Variants in VPS13A observed in about 807,000 individuals in gnomAD.
The protein encoded by VPS13A is vacuolar protein sorting 13 homolog A.
Under a neutral mutation model 390.9 loss-of-function variants are expected in VPS13A, and 264 were observed. The observed-to-expected ratio is 0.68, with a 90% CI of 0.61 to 0.75. The LOEUF is 0.75. VPS13A is among the 30% of genes least tolerant of loss of function. VPS13A has a pLI of 0.00. For missense variants in VPS13A, 3,409 were observed against 3,733.9 expected (o/e 0.91, Z 2.27); for synonymous variants, 1,231 against 1,227.1 (o/e 1.00, Z -0.07).
chr9:77,290,127 C>T (rs531589059), intron 31 of VPS13A, among the ~76,000 whole-genome samples: 1 of 152,222 alleles, frequency 6.6e-6, no homozygotes, highest in Admixed American at 6.5e-5. Context: ...TGACTTCTCT[C>T]AGTTTTTTGG....
At chr9:77,194,017 A>G (rs1400732691) in intron 1 of VPS13A, among the ~76,000 whole-genome samples, 1 of 152,114 alleles carries the variant, frequency 6.6e-6, no homozygotes, top group African/African-American at 2.4e-5. Flanking sequence ...TGGTGGGGCC[A>G]AGGTGTTCCC....
intron 31 of VPS13A, among the ~76,000 whole-genome samples, chr9:77,292,024 G>C (rs1827701101): frequency 6.6e-6 from 1 of 151,992 alleles, no homozygotes; most frequent in Admixed American, 6.6e-5. Context: ...CCTGTGCCCT[G>C]AGGGAAACAA....
chr9:77,359,332 G>A lies in VPS13A; in HGVS notation c.8036-1G>A. 6.2e-7 allele frequency: 1 copy of A among 1,613,208 alleles called. No individual in the cohort carries two copies. The highest frequency in any genetic ancestry group is 1.3e-5 in the African/African-American group (1 of 75,012). ...AGTAATTATATTTATAACCTTTACA[G>A]CACCAAAGCCCTTTACAGATGTCAG... On this transcript the variant is annotated splice_acceptor_variant, in intron 57 of 71. Transcript: ENST00000360280. LOFTEE classifies it high-confidence loss of function.
chr9:77,362,104 C>T (rs1343674114), intron 59 of VPS13A, among the ~76,000 whole-genome samples: 2 of 152,022 alleles, frequency 1.3e-5, no homozygotes, highest in Non-Finnish European at 2.9e-5. Context: ...TTCTCTCATT[C>T]TGTGTGTTGC....
chr9:77,321,567 T>G lies in VPS13A; in HGVS notation c.5651T>G (p.Leu1884Arg). Residue 1884 changes from leucine (L) to arginine (R), a missense_variant, in exon 44 of 72, where the codon CTT becomes CGT. This residue lies in a region of VPS13A where 2,717 missense variants were observed against 2,917.4 expected (regional missense o/e 0.93). Coordinates refer to ENST00000360280, the MANE Select transcript of VPS13A (RefSeq NM_033305.3). Reference sequence around the variant, plus strand: ...GCACCATTTATGATTTTAAATTCCCTTGGACTTACTATTTCTGTTTCGCCA... The same window carrying G: ...GCACCATTTATGATTTTAAATTCCCGTGGACTTACTATTTCTGTTTCGCCA... ...DLAPFMILNS[L>R]GLTISVSPSD... 1 of 1,613,514 alleles carries G rather than the reference T, an allele frequency of 6.2e-7. No homozygotes were observed. Among genetic ancestry groups the G allele is most frequent in the Non-Finnish European group, 8.5e-7 (1 of 1,179,620 alleles).
Position 77,250,188 on chromosome 9 carries a change from A to G in VPS13A, c.2129A>G (p.Asp710Gly). 3 of 1,613,856 alleles carry G rather than the reference A, an allele frequency of 1.9e-6. No individual in the cohort carries two copies. The highest frequency in any genetic ancestry group is 1.1e-5 in the South Asian group (1 of 91,078). The change falls in exon 21 of 72, where the codon GAT (aspartate) becomes GGT (glycine). Residue 710 changes from aspartate to glycine, a missense_variant. Coordinates refer to ENST00000360280, the MANE Select transcript of VPS13A (RefSeq NM_033305.3). ...ATGGATAGAGCTTATGATTCATTTG[A>G]TATTCAACTTACAAGTGTACAGCTG... ...EIMDRAYDSFDIQLTSVQLLY... is the reference protein window; with the variant it reads ...EIMDRAYDSFGIQLTSVQLLY...
chr9:77,408,463 G>A (rs982885535), intron 71 of VPS13A, among the ~76,000 whole-genome samples: 22 of 152,222 alleles, frequency 1.4e-4, no homozygotes, highest in Non-Finnish European at 2.1e-4. Context: ...TGGGTGCAGC[G>A]CACCGAGCGT....
chr9:77,262,771 T>G (rs1366223243), intron 23 of VPS13A, among the ~76,000 whole-genome samples: 1 of 152,214 alleles, frequency 6.6e-6, no homozygotes, highest in African/African-American at 2.4e-5. Flanking sequence ...ACTCATCCTT[T>G]TTTATGGCTG....
chr9:77,221,413 C>G, intron 13 of VPS13A, 57 bp downstream of exon 13: 1 of 1,567,830 alleles, frequency 6.4e-7, no homozygotes, highest in Non-Finnish European at 8.8e-7. Flanking sequence ...CCTTATTGGT[C>G]TTCAGTGACT....
At chr9:77,321,094 G>T in intron 42 of VPS13A, 75 bp from the exon 43 acceptor site, 1 of 1,328,536 alleles carries the variant, frequency 7.5e-7, no homozygotes. Flanking sequence ...CCTTTCTAAT[G>T]TTGGTATTGG....
intron 34 of VPS13A, 32 bp from the exon 35 acceptor site, chr9:77,307,913 G>C (rs764784948): frequency 1.3e-6 from 2 of 1,535,052 alleles, no homozygotes; most frequent in Non-Finnish European, 1.8e-6. Context: ...AAGTAGCAGT[G>C]CTAAAAAGAA....
intron 45 of VPS13A, among the ~76,000 whole-genome samples, chr9:77,331,471 G>T (rs543826140): frequency 6.6e-6 from 1 of 151,900 alleles, no homozygotes; most frequent in Non-Finnish European, 1.5e-5. Context: ...GGAATGTCAA[G>T]TATCTTTTCA....
At position 77,420,839 on chromosome 9, in the gene VPS13A, C is replaced by T. The variant is rs1835318031; in HGVS notation, c.*4833C>T. On this transcript the variant is annotated 3_prime_UTR_variant, in exon 72 of 72. Coordinates refer to ENST00000360280, the MANE Select transcript of VPS13A (RefSeq NM_033305.3). Reference sequence around the variant, plus strand: ...AACATTTCCTGTTATGCCGTCATACCTCCGGTGTTCAGTTTGTTACTCAAA... The same window carrying T: ...AACATTTCCTGTTATGCCGTCATACTTCCGGTGTTCAGTTTGTTACTCAAA... 1 of 152,050 alleles carries T rather than the reference C, an allele frequency of 6.6e-6. No individual in the cohort carries two copies. Among genetic ancestry groups the T allele is most frequent in the African/African-American group, 2.4e-5 (1 of 41,408 alleles). 9.4% of individuals were successfully genotyped at this position (152,050 alleles called of 1,614,324 possible).
intron 68 of VPS13A, among the ~76,000 whole-genome samples, chr9:77,391,006 A>G (rs1833876245): frequency 6.6e-6 from 1 of 152,202 alleles, no homozygotes; most frequent in African/African-American, 2.4e-5. Context: ...GAAATCCTCA[A>G]ATGTTAAGCC....
At position 77,321,526 on chromosome 9, in the gene VPS13A, C is replaced by T. The variant is rs1277735397; in HGVS notation, c.5610C>T (p.Asp1870=). 1.9e-6 allele frequency: 3 copies of T among 1,613,322 alleles called. No homozygotes were observed. In the African/African-American group the frequency reaches 4.0e-5, roughly 22 times the overall value. Residue 1870 remains aspartate, a synonymous_variant, in exon 44 of 72, where the codon GAC becomes GAT. Transcript: ENST00000360280. ...FTEAATGSSA[D]FVKDLAPFMI... ...AAGCTGCCACTGGATCTTCAGCTGACTTCGTAAAGGATCTAGCACCATTTA... is the reference window on the plus strand; with the variant it reads ...AAGCTGCCACTGGATCTTCAGCTGATTTCGTAAAGGATCTAGCACCATTTA...
intron 23 of VPS13A, among the ~76,000 whole-genome samples, chr9:77,264,342 A>G (rs574333084): frequency 5.3e-4 from 80 of 152,262 alleles, no homozygotes; most frequent in Admixed American, 2.5e-3. Flanking sequence ...AAAGTCAATG[A>G]TAACTTAATG....
At chr9:77,237,980 T>C (rs1824252778) in intron 17 of VPS13A, 22 bp from the exon 18 acceptor site, 1 of 1,562,326 alleles carries the variant, frequency 6.4e-7, no homozygotes, top group African/African-American at 1.4e-5. Context: ...TCGCTGACTT[T>C]TTTCTTTTTT....
At chr9:77,240,478 G>GTTTT (rs11351060) in intron 19 of VPS13A, among the ~76,000 whole-genome samples, 2 of 126,068 alleles carry the variant, frequency 1.6e-5, no homozygotes, top group Non-Finnish European at 3.3e-5. Flanking sequence ...TTATGTTTTT[G>GTTTT]TTTTTTTTTT....
rs1478214129 is a variant in VPS13A at position 77,316,215 on chromosome 9, A to G, written c.4672A>G (p.Ile1558Val). The change falls in exon 39 of 72, where the codon ATT becomes GTT. Residue 1558 changes from isoleucine to valine, a missense_variant. Around this residue, in one of 5 missense-constraint regions of VPS13A, gnomAD observed 2,717 missense variants for 2,917.4 expected, o/e 0.93. Coordinates refer to ENST00000360280, the MANE Select transcript of VPS13A (RefSeq NM_033305.3). ...ESVKWEINVI[I>V]KNPEIVFVAD... ...AGTGAAGTGGGAAATTAATGTTATT[A>G]TTAAAAATCCTGAAATTGTGTTTGT... 1.9e-6 allele frequency: 3 copies of G among 1,612,736 alleles called. No individual in the cohort carries two copies. Among genetic ancestry groups the G allele is most frequent in the East Asian group, 2.2e-5 (1 of 44,828 alleles).
Sources: allele counts gnomAD v4.1 joint callset (sites outside exome capture counted in the v4.1 genomes callset), GRCh38; gene constraint gnomAD v4.1.1; regional missense constraint gnomAD v4.1.1; transcripts MANE v1.5; gene names NCBI Gene and HGNC (gene_info 2026-07-23, HGNC 2026-07-21).